The following ZFHX3 variants were observed in gnomAD, a reference collection of about 807,000 sequenced individuals.
The protein encoded by ZFHX3 is zinc finger homeobox 3.
ZFHX3 carries 42 observed loss-of-function variants against 279.1 expected under a neutral mutation model. The observed-to-expected ratio is 0.15, with a 90% confidence interval of 0.12 to 0.19. The LOEUF is 0.19. ZFHX3 is among the 10% of genes least tolerant of loss of function. The pLI is 1.00. For missense variants in ZFHX3, 4,981 were observed against 4,754.0 expected (o/e 1.05, Z -1.40); for synonymous variants, 2,293 against 1,957.8 (o/e 1.17, Z -4.52).
intron 1 of ZFHX3, among the ~76,000 whole-genome samples, chr16:73,691,697 C>T (rs1276520734): frequency 6.6e-6 from 1 of 152,072 alleles, no homozygotes; most frequent in Non-Finnish European, 1.5e-5. Context: ...AGAAAAACAC[C>T]CAGTATATAT....
chr16:73,438,701 CT>C (rs149354868), intron 3 of ZFHX3, among the ~76,000 whole-genome samples: 3,973 of 152,246 alleles, frequency 0.026, 174 homozygotes, highest in African/African-American at 0.091. Context: ...ATTATTATTA[CT>C]AAATTTGTGT....
chr16:73,626,428 A>G (rs1353062636), intron 2 of ZFHX3, among the ~76,000 whole-genome samples: 5 of 152,078 alleles, frequency 3.3e-5, no homozygotes, highest in African/African-American at 4.8e-5. Flanking sequence ...ATTTGTACCC[A>G]TATTTCCTCA....
intron 3 of ZFHX3, among the ~76,000 whole-genome samples, chr16:73,394,544 G>A (rs2017088934): frequency 6.6e-6 from 1 of 152,090 alleles, no homozygotes; most frequent in African/African-American, 2.4e-5. Flanking sequence ...TGATCCGCCT[G>A]CCTCGGCCTC....
chr16:73,477,214 A>T (rs949237682), intron 2 of ZFHX3, among the ~76,000 whole-genome samples: 1 of 152,236 alleles, frequency 6.6e-6, no homozygotes, highest in Non-Finnish European at 1.5e-5. Context: ...ACCGATTTTT[A>T]AAATTAAATG....
intron 4 of ZFHX3, among the ~76,000 whole-genome samples, chr16:72,851,593 C>T (rs1317185578): frequency 2.6e-5 from 4 of 151,912 alleles, no homozygotes; most frequent in East Asian, 1.9e-4. Context: ...CTCACTCTGT[C>T]GCCCAGGCTG....
At chr16:73,039,647 A>G (rs979591708) in intron 1 of ZFHX3, among the ~76,000 whole-genome samples, 12 of 152,166 alleles carry the variant, frequency 7.9e-5, no homozygotes, top group Admixed American at 2.0e-4. Context: ...AACAGTGCCA[A>G]CACACAACCA....
intron 4 of ZFHX3, among the ~76,000 whole-genome samples, chr16:73,277,764 A>G (rs990209829): frequency 3.9e-5 from 6 of 152,174 alleles, no homozygotes; most frequent in African/African-American, 1.4e-4. Flanking sequence ...TTTTAAAGAA[A>G]AGAGGTTTAG....
intron 4 of ZFHX3, among the ~76,000 whole-genome samples, chr16:73,266,123 G>A (rs2013965831): frequency 6.6e-6 from 1 of 152,194 alleles, no homozygotes; most frequent in South Asian, 2.1e-4. Context: ...TCAAAATGTG[G>A]CAGGGCAGTG....
At chr16:73,222,320 GA>G (rs999727693) in intron 5 of ZFHX3, among the ~76,000 whole-genome samples, 1 of 151,836 alleles carries the variant, frequency 6.6e-6, no homozygotes, top group African/African-American at 2.4e-5. Context: ...TAGGAAATCT[GA>G]AAAAAATCAA....
intron 2 of ZFHX3, among the ~76,000 whole-genome samples, chr16:73,644,208 A>G (rs1043858508): frequency 6.6e-6 from 1 of 152,096 alleles, no homozygotes; most frequent in African/African-American, 2.4e-5. Context: ...TAAAATGCAA[A>G]CACATGTTGA....
chr16:73,712,852 A>G (rs1220254021), intron 1 of ZFHX3, among the ~76,000 whole-genome samples: 2 of 152,238 alleles, frequency 1.3e-5, no homozygotes, highest in Admixed American at 6.5e-5. Flanking sequence ...GTGGCCCAGC[A>G]ATAGGCAATA....
At chr16:73,254,487 T>C (rs1190519062) in intron 5 of ZFHX3, among the ~76,000 whole-genome samples, 3 of 151,964 alleles carry the variant, frequency 2.0e-5, no homozygotes, top group Admixed American at 6.6e-5. Flanking sequence ...ACTACAAAGA[T>C]GTGAGGCTGA....
intron 4 of ZFHX3, among the ~76,000 whole-genome samples, chr16:72,856,400 G>A (rs977712434): frequency 6.6e-6 from 1 of 152,250 alleles, no homozygotes; most frequent in Non-Finnish European, 1.5e-5. Flanking sequence ...GTGTTCCCAA[G>A]TGAAGAGCTG....
chr16:73,647,584 A>G (rs1203142803), intron 2 of ZFHX3, among the ~76,000 whole-genome samples: 1 of 152,202 alleles, frequency 6.6e-6, no homozygotes, highest in East Asian at 1.9e-4. Context: ...ACTGTGAGTC[A>G]ATTAAACTTG....
chr16:73,075,777 G>A (rs1965881409), intron 8 of ZFHX3, among the ~76,000 whole-genome samples: 2 of 152,002 alleles, frequency 1.3e-5, no homozygotes, highest in African/African-American at 2.4e-5. Flanking sequence ...GGGACTACAG[G>A]TGCATGCCAC....
intron 3 of ZFHX3, among the ~76,000 whole-genome samples, chr16:73,325,031 C>A (rs1185386253): frequency 1.3e-5 from 2 of 152,090 alleles, no homozygotes; most frequent in African/African-American, 4.8e-5. Context: ...TTGGAATTTA[C>A]AAATCTCTTT....
intron 5 of ZFHX3, among the ~76,000 whole-genome samples, chr16:73,181,024 G>A (rs1412473458): frequency 6.6e-6 from 1 of 152,132 alleles, no homozygotes; most frequent in Non-Finnish European, 1.5e-5. Context: ...GGAATGTCTT[G>A]GAGTAATTTG....
At position 73,167,139 on chromosome 16, in the gene ZFHX3, T is replaced by C. The variant is rs574072666; in HGVS notation, c.-1103-23308A>G. Among the ~76,000 whole-genome samples, 142 of 152,348 alleles carry C rather than the reference T, an allele frequency of 9.3e-4. 1 individual carries two copies. Among genetic ancestry groups the C allele is most frequent in the Non-Finnish European group, 1.4e-3 (96 of 68,030 alleles). On this transcript the variant is annotated intron_variant, in intron 5 of 17. Transcript: ENST00000641206. ...GGTTAATGTTTTGTTCTTGTACTTA[T>C]TGCAAAATTGGGGAAAAGAAAAACT...
intron 1 of ZFHX3, among the ~76,000 whole-genome samples, chr16:73,856,451 A>C (rs1009560302): frequency 6.6e-6 from 1 of 152,198 alleles, no homozygotes; most frequent in Non-Finnish European, 1.5e-5. Context: ...GGGGGAAAAA[A>C]ATTCTTTCTT....
Sources: gnomAD v4.1 joint callset for allele counts (sites outside exome capture counted in the v4.1 genomes callset) on GRCh38, gnomAD v4.1.1 for gene constraint, MANE v1.5 for transcripts, NCBI Gene and HGNC (gene_info 2026-07-23, HGNC 2026-07-21) for gene names.